The following GRID2 variants were observed in gnomAD, a reference collection of about 807,000 sequenced individuals.
GRID2 encodes glutamate receptor ionotropic, delta-2.
Under a neutral mutation model 114.8 loss-of-function variants are expected in GRID2, and 33 were observed. The ratio of observed to expected loss-of-function variants is 0.29; its 90% CI spans 0.22 to 0.38. The LOEUF is 0.38. Among genes scored for constraint, GRID2 ranks in the 10% least tolerant of loss-of-function variants. The pLI, the probability that GRID2 is intolerant of heterozygous loss-of-function variation, is 1.00. For synonymous variants in GRID2, 505 were observed against 449.9 expected, an observed-to-expected ratio of 1.12 and a Z score of -1.55; for missense variants, 1,184 against 1,257.7, an observed-to-expected ratio of 0.94 and a Z score of 0.89.
At position 92,802,486 on chromosome 4, in the gene GRID2, C is replaced by T. The variant is rs1560600999; in HGVS notation, c.244+212200C>T. On this transcript the variant is annotated intron_variant, in intron 2 of 15. Coordinates refer to ENST00000282020, the MANE Select transcript of GRID2 (RefSeq NM_001510.4). ...TCCACCCAGCCCTTTGCTAGTTGTA[C>T]TTTTTGCATTAAAATCTACTCTATC... Among the ~76,000 whole-genome samples the T allele has an allele frequency of 2.0e-5, 3 of 151,454 alleles. No individual in the cohort carries two copies. In the Admixed American group the frequency reaches 2.0e-4, roughly 10 times the overall value.
At chr4:92,529,732 G>A (rs1158001534) in intron 1 of GRID2, among the ~76,000 whole-genome samples, 1 of 152,096 alleles carries the variant, frequency 6.6e-6, no homozygotes, top group East Asian at 1.9e-4. Flanking sequence ...GTCAAATTAT[G>A]TTATCAGATT....
chr4:92,746,605 T>G (rs1240185245), intron 2 of GRID2, among the ~76,000 whole-genome samples: 2 of 152,132 alleles, frequency 1.3e-5, no homozygotes, highest in Non-Finnish European at 2.9e-5. Context: ...TATCTCTGTT[T>G]ATCAGCTACA....
chr4:92,836,247 T>G (rs1310566206), intron 2 of GRID2, among the ~76,000 whole-genome samples: 2 of 152,158 alleles, frequency 1.3e-5, no homozygotes, highest in Non-Finnish European at 2.9e-5. Context: ...TTCTGGTGTA[T>G]GTGGATTATA....
At chr4:92,399,393 GC>G (rs1361451254) in intron 1 of GRID2, among the ~76,000 whole-genome samples, 1 of 152,034 alleles carries the variant, frequency 6.6e-6, no homozygotes, top group African/African-American at 2.4e-5. Context: ...CCCACTAACA[GC>G]CGTTGAGCTT....
At chr4:93,660,849 G>C (rs189845766) in intron 14 of GRID2, among the ~76,000 whole-genome samples, 1 of 152,088 alleles carries the variant, frequency 6.6e-6, no homozygotes, top group Non-Finnish European at 1.5e-5. Context: ...GACAGGCCCA[G>C]ATGGATCCTG....
chr4:92,548,207 T>A lies in GRID2; in HGVS notation c.89-41924T>A, dbSNP rs141197338. On this transcript the variant is annotated intron_variant, in intron 1 of 15. Transcript: ENST00000282020. The stretch of plus-strand genomic sequence containing the variant: ...TAAAGATGTAATATGTTGAGTTAGG[T>A]GCACTACTCGCTGAGGACAAGGTGT... Among the ~76,000 whole-genome samples the A allele has an allele frequency of 7.9e-3, 1,201 of 152,108 alleles. 16 individuals carry two copies. Among genetic ancestry groups the A allele is most frequent in the African/African-American group, 0.026 (1,064 of 41,490 alleles).
intron 1 of GRID2, among the ~76,000 whole-genome samples, chr4:92,508,711 A>G (rs1349223021): frequency 1.3e-5 from 2 of 151,910 alleles, no homozygotes; most frequent in Non-Finnish European, 2.9e-5. Context: ...AAGTCTGAGT[A>G]AGGAGGTTGG....
intron 2 of GRID2, among the ~76,000 whole-genome samples, chr4:92,805,356 T>G (rs1298720876): frequency 6.6e-6 from 1 of 151,966 alleles, no homozygotes; most frequent in Non-Finnish European, 1.5e-5. Context: ...AATTCTCTTT[T>G]TGGTGTTAAT....
intron 13 of GRID2, among the ~76,000 whole-genome samples, chr4:93,572,646 G>A (rs978915689): frequency 4.6e-5 from 7 of 152,044 alleles, no homozygotes; most frequent in African/African-American, 1.7e-4. Flanking sequence ...AATATGTATG[G>A]TAAATATGAT....
intron 1 of GRID2, among the ~76,000 whole-genome samples, chr4:92,395,096 A>G (rs1437121806): frequency 1.3e-5 from 2 of 151,614 alleles, no homozygotes; most frequent in Non-Finnish European, 3.0e-5. Context: ...CAACACATAA[A>G]TATTTTCTTT....
At chr4:92,668,044 G>T (rs567151663) in intron 2 of GRID2, among the ~76,000 whole-genome samples, 1 of 151,780 alleles carries the variant, frequency 6.6e-6, no homozygotes, top group South Asian at 2.1e-4. Flanking sequence ...ATCCTTTCCT[G>T]ATCATTAAAT....
intron 14 of GRID2, among the ~76,000 whole-genome samples, chr4:93,752,831 C>G (rs1023179180): frequency 1.3e-5 from 2 of 152,144 alleles, no homozygotes; most frequent in African/African-American, 4.8e-5. Flanking sequence ...TTCCATCTAT[C>G]TGTGTACTTG....
intron 2 of GRID2, among the ~76,000 whole-genome samples, chr4:92,751,046 A>G (rs1318195748): frequency 2.0e-5 from 3 of 152,148 alleles, no homozygotes; most frequent in Non-Finnish European, 4.4e-5. Flanking sequence ...TGGCAAACAC[A>G]CCTTTTTATA....
chr4:92,615,267 T>C (rs1306022198), intron 2 of GRID2, among the ~76,000 whole-genome samples: 1 of 151,498 alleles, frequency 6.6e-6, no homozygotes, highest in Admixed American at 6.6e-5. Context: ...TCAAGCTCTC[T>C]GAGGCCTTTT....
At chr4:92,701,691 A>C (rs376995124) in intron 2 of GRID2, among the ~76,000 whole-genome samples, 1 of 152,338 alleles carries the variant, frequency 6.6e-6, no homozygotes, top group African/African-American at 2.4e-5. Flanking sequence ...AGCCCTCTTT[A>C]ATAAAGCCAG....
At chr4:92,918,401 G>A (rs1749005930) in intron 2 of GRID2, among the ~76,000 whole-genome samples, 1 of 152,140 alleles carries the variant, frequency 6.6e-6, no homozygotes, top group African/African-American at 2.4e-5. Context: ...GAATAGGAGT[G>A]GTGAGAGAGG....
At chr4:92,665,892 A>T (rs879363198) in intron 2 of GRID2, among the ~76,000 whole-genome samples, 1 of 151,282 alleles carries the variant, frequency 6.6e-6, no homozygotes, top group African/African-American at 2.4e-5. Context: ...AATGTGTCTC[A>T]GTGTGTGTAT....
At chr4:92,465,278 T>TAA (rs11424200) in intron 1 of GRID2, among the ~76,000 whole-genome samples, 52 of 148,930 alleles carry the variant, frequency 3.5e-4, no homozygotes, top group Middle Eastern at 6.8e-3. Flanking sequence ...AGAGTGAGAT[T>TAA]AAAAAAAAAA....
chr4:93,539,116 G>C (rs542745476), intron 13 of GRID2, among the ~76,000 whole-genome samples: 2 of 151,960 alleles, frequency 1.3e-5, no homozygotes, highest in Admixed American at 1.3e-4. Context: ...AACATATCTA[G>C]ATTTTTCTAT....
Sources: allele counts gnomAD v4.1 joint callset (sites outside exome capture counted in the v4.1 genomes callset), GRCh38; gene constraint gnomAD v4.1.1; transcripts MANE v1.5; gene names NCBI Gene and HGNC (gene_info 2026-07-23, HGNC 2026-07-21).